The following ACOXL variants were observed in gnomAD, a reference collection of about 807,000 sequenced individuals.
ACOXL encodes the protein acyl-coenzyme A oxidase-like protein.
In ACOXL, 70 loss-of-function variants were observed where a neutral mutation model predicts 71.9. The ratio of observed to expected loss-of-function variants is 0.97; its 90% CI spans 0.80 to 1.19. The LOEUF is 1.19. Among genes scored for constraint, ACOXL ranks in the 50% most tolerant of loss-of-function variants. The pLI, the probability that ACOXL is intolerant of heterozygous loss-of-function variation, is 0.00. For missense variants in ACOXL, 703 were observed against 736.3 expected (o/e 0.95, Z 0.52); for synonymous variants, 253 against 281.6 (o/e 0.90, Z 1.02).
chr2:111,033,927 G>A (rs1056195344), intron 15 of ACOXL, among the ~76,000 whole-genome samples: 9 of 152,202 alleles, frequency 5.9e-5, no homozygotes, highest in African/African-American at 1.9e-4. Context: ...ATGTGATCAA[G>A]TTTGAAAAGG....
chr2:110,830,987 A>G (rs948015659), intron 9 of ACOXL, among the ~76,000 whole-genome samples: 5 of 152,218 alleles, frequency 3.3e-5, no homozygotes, highest in African/African-American at 1.2e-4. Context: ...AATTTCCTCA[A>G]CTTCATAAAG....
chr2:110,830,900 G>C (rs1689751124), intron 9 of ACOXL, among the ~76,000 whole-genome samples: 1 of 152,136 alleles, frequency 6.6e-6, no homozygotes, highest in Non-Finnish European at 1.5e-5. Context: ...AAAAGGGTAA[G>C]TTGTTTTTCA....
At chr2:110,987,950 C>G (rs752847719) in intron 13 of ACOXL, among the ~76,000 whole-genome samples, 4 of 152,142 alleles carry the variant, frequency 2.6e-5, no homozygotes, top group Non-Finnish European at 5.9e-5. Flanking sequence ...ATAGGGCTTT[C>G]AAACTTAATT....
intron 5 of ACOXL, among the ~76,000 whole-genome samples, chr2:110,795,340 T>C (rs891284674): frequency 3.3e-5 from 5 of 152,152 alleles, no homozygotes; most frequent in African/African-American, 4.8e-5. Context: ...CAGCAAATGA[T>C]GTCCAAGATC....
At chr2:111,052,229 G>T (rs370367554) in intron 16 of ACOXL, among the ~76,000 whole-genome samples, 2 of 152,190 alleles carry the variant, frequency 1.3e-5, no homozygotes, top group East Asian at 1.9e-4. Context: ...GGACCAGAAA[G>T]CTGGGCTTCT....
rs1478370966 is a variant in ACOXL, at chr2:110,990,055, ATAAAAT to A, written c.1169+2845_1169+2850del. ...AACTTCGTCTCAAAAAAATAAATAA[ATAAAAT>A]TAAAATGGTAAATGTTTTGTTATTT... On this transcript the variant is annotated intron_variant, in intron 13 of 17. Transcript: ENST00000439055. Among the ~76,000 whole-genome samples the A allele has an allele frequency of 7.9e-5, 12 of 152,316 alleles. No individual in the cohort carries two copies. The South Asian group carries it at 2.5e-3, about 32-fold the overall frequency.
Position 110,767,919 on chromosome 2 carries a change from ACT to A in ACOXL, c.-22-448_-22-447del, listed in dbSNP as rs1681303970. 3.8e-5 allele frequency among the ~76,000 whole-genome samples: 5 copies of A among 132,160 alleles called. No homozygotes were observed. In the Admixed American group the frequency reaches 4.1e-4, roughly 11 times the overall value. 86.7% of individuals were successfully genotyped at this position (132,160 alleles called of 152,430 possible). A position where few individuals can be genotyped will look rare whatever the true frequency, so the allele number is the denominator to read the frequency against. On this transcript the variant is annotated intron_variant, in intron 1 of 17. Coordinates refer to ENST00000439055, the MANE Select transcript of ACOXL (RefSeq NM_001142807.4). ...GCCAATATGGCGAAACCCTGTCTCT[ACT>A]AAACACACACACACACACACACACA...
At chr2:110,741,232 G>T (rs1032111835) in intron 1 of ACOXL, among the ~76,000 whole-genome samples, 6 of 152,134 alleles carry the variant, frequency 3.9e-5, no homozygotes, top group African/African-American at 1.2e-4. Context: ...ACCCGGGCTA[G>T]GTGGCTTAAA....
intron 1 of ACOXL, among the ~76,000 whole-genome samples, chr2:110,750,244 G>T (rs1050584203): frequency 9.2e-5 from 14 of 152,128 alleles, no homozygotes; most frequent in African/African-American, 3.4e-4. Context: ...CTTATAGGAG[G>T]TTGATCTCTT....
At chr2:111,020,325 G>GC (rs1425927613) in intron 14 of ACOXL, among the ~76,000 whole-genome samples, 1 of 152,166 alleles carries the variant, frequency 6.6e-6, no homozygotes, top group African/African-American at 2.4e-5. Flanking sequence ...CGCTCGCATG[G>GC]CAGCATGTCA....
intron 16 of ACOXL, among the ~76,000 whole-genome samples, chr2:111,057,189 G>T (rs1439058477): frequency 3.3e-5 from 5 of 152,210 alleles, no homozygotes; most frequent in Admixed American, 3.3e-4. Context: ...CCAACTGTGT[G>T]GGTTCCACTG....
intron 16 of ACOXL, among the ~76,000 whole-genome samples, chr2:111,051,195 T>G (rs2066273582): frequency 6.6e-6 from 1 of 151,514 alleles, no homozygotes; most frequent in African/African-American, 2.4e-5. Context: ...CTGAAACTAT[T>G]TTATGATTTT....
chr2:110,873,747 C>T (rs1308492147), intron 10 of ACOXL, among the ~76,000 whole-genome samples: 10 of 152,274 alleles, frequency 6.6e-5, no homozygotes, highest in Middle Eastern at 3.4e-3. Context: ...AGGAGGGGCC[C>T]GGGCCTCCCA....
In ACOXL at chr2:111,079,394, A is replaced by T. The variant is rs112748106; in HGVS notation, c.1441-13471A>T. The stretch of plus-strand genomic sequence containing the variant: ...GTCTGTTCAAAGTCTTTTGTATGCT[A>T]ATTAGCATGAAATCCATGCATGAAG... On this transcript the variant is annotated intron_variant, in intron 16 of 17. Coordinates refer to ENST00000439055, the MANE Select transcript of ACOXL (RefSeq NM_001142807.4). Among the ~76,000 whole-genome samples the T allele has an allele frequency of 5.8e-3, 878 of 152,322 alleles. 3 individuals carry two copies. The highest frequency in any genetic ancestry group is 0.02 in the South Asian group (97 of 4,826).
At chr2:111,093,715 T>A (rs747254815) in intron 17 of ACOXL, 16 of 544,806 alleles carry the variant, frequency 2.9e-5, no homozygotes, top group Non-Finnish European at 4.4e-5. Flanking sequence ...TACAAAAAAA[T>A]TAGCTGGGCG....
In ACOXL at chr2:110,908,726, G is replaced by A. The variant is rs1014672720; in HGVS notation, c.789-63G>A. 3.8e-5 allele frequency: 50 copies of A among 1,311,062 alleles called. 1 individual carries two copies. In the African/African-American group the frequency reaches 5.5e-4, roughly 14 times the overall value. 81.2% of individuals were successfully genotyped at this position (1,311,062 alleles called of 1,614,324 possible). ...ATGGCTAGCCAGCATTTTTAGCTCT[G>A]GAAATGAAGTTACCTCCCGCTCCTG... On this transcript the variant is annotated intron_variant, in intron 10 of 17. Coordinates refer to ENST00000439055, the MANE Select transcript of ACOXL (RefSeq NM_001142807.4).
At chr2:110,801,842 C>G (rs532139228) in intron 8 of ACOXL, 118 bp downstream of exon 8, 1 of 782,416 alleles carries the variant, frequency 1.3e-6, no homozygotes, top group Non-Finnish European at 2.1e-6. Flanking sequence ...CCTAACCACC[C>G]GTACAGGTTT....
intron 14 of ACOXL, among the ~76,000 whole-genome samples, chr2:110,996,473 G>T (rs114343857): frequency 1.2e-4 from 18 of 152,248 alleles, no homozygotes; most frequent in African/African-American, 4.1e-4. Context: ...TAGAAATCTA[G>T]AGGAAATTTC....
At chr2:111,111,835 A>T (rs1455428191) in intron 17 of ACOXL, among the ~76,000 whole-genome samples, 1 of 152,224 alleles carries the variant, frequency 6.6e-6, no homozygotes, top group African/African-American at 2.4e-5. Context: ...AAGTTTACTA[A>T]ATCCTTCCAT....
Sources: allele counts gnomAD v4.1 joint callset (sites outside exome capture counted in the v4.1 genomes callset), GRCh38; gene constraint gnomAD v4.1.1; transcripts MANE v1.5; gene names NCBI Gene and HGNC (gene_info 2026-07-23, HGNC 2026-07-21).